CPNE8: variants seen among roughly 807,000 people sequenced by gnomAD.
CPNE8 encodes the protein copine 8.
Under a neutral mutation model 81.5 loss-of-function variants are expected in CPNE8, and 45 were observed. That is an observed-to-expected ratio of 0.55 (90% CI 0.44 to 0.71). The LOEUF (loss-of-function observed/expected upper bound fraction) is 0.71, where lower values mean the gene tolerates loss of function less well. Ranked by LOEUF, CPNE8 falls within the 30% of genes least tolerant of loss-of-function variation. The probability of loss-of-function intolerance (pLI) is 0.00; values close to 1 mark genes in which losing one functional copy is unlikely to be tolerated. For synonymous variants in CPNE8, 252 were observed against 226.3 expected (o/e 1.11, Z -1.02); for missense variants, 594 against 672.1 (o/e 0.88, Z 1.28).
intron 5 of CPNE8, among the ~76,000 whole-genome samples, chr12:38,835,577 T>C (rs914082234): frequency 1.3e-5 from 2 of 152,226 alleles, no homozygotes; most frequent in African/African-American, 4.8e-5. Flanking sequence ...CCTATATTTA[T>C]TGCCTGTCTG....
chr12:38,737,265 T>C (rs1334461160), intron 10 of CPNE8, among the ~76,000 whole-genome samples: 3 of 152,094 alleles, frequency 2.0e-5, no homozygotes, highest in African/African-American at 7.2e-5. Flanking sequence ...GTATCTTTTT[T>C]TTATGTCATT....
intron 6 of CPNE8, among the ~76,000 whole-genome samples, chr12:38,788,311 T>A (rs922901304): frequency 1.3e-5 from 2 of 151,836 alleles, no homozygotes; most frequent in Non-Finnish European, 2.9e-5. Flanking sequence ...GTTCGACATA[T>A]GCAAAACAAT....
At chr12:38,814,309 C>CTTTTTTT (rs61444154) in intron 6 of CPNE8, among the ~76,000 whole-genome samples, 1 of 49,170 alleles carries the variant, frequency 2.0e-5, no homozygotes, top group Admixed American at 3.9e-4. Context: ...CCAGACCTGG[C>CTTTTTTT]TTTTTTTTTT....
chr12:38,746,187 ATAT>A (rs1470019951), intron 10 of CPNE8, among the ~76,000 whole-genome samples: 1 of 152,130 alleles, frequency 6.6e-6, no homozygotes, highest in Non-Finnish European at 1.5e-5. Flanking sequence ...ATATTCTTCA[ATAT>A]TAAAAAAAAA....
In CPNE8 at chr12:38,839,902, A is replaced by G. The variant is rs1234891011; in HGVS notation, c.330+14T>C. 1 of 1,563,782 alleles carries G rather than the reference A, an allele frequency of 6.4e-7. No homozygotes were observed. Among genetic ancestry groups the G allele is most frequent in the Non-Finnish European group, 8.7e-7 (1 of 1,146,846 alleles). Reference sequence around the variant, plus strand: ...GTATTATAATGTTATAAAAACATAAAAATATGAACTTACATGTTTGGATAA... The same window carrying G: ...GTATTATAATGTTATAAAAACATAAGAATATGAACTTACATGTTTGGATAA... On this transcript the variant is annotated intron_variant, in intron 5 of 19. Transcript: ENST00000331366.
intron 13 of CPNE8, among the ~76,000 whole-genome samples, chr12:38,716,398 A>T (rs968896242): frequency 6.6e-6 from 1 of 152,112 alleles, no homozygotes; most frequent in African/African-American, 2.4e-5. Flanking sequence ...ACTTCAGATT[A>T]TACTACAAGG....
intron 10 of CPNE8, among the ~76,000 whole-genome samples, chr12:38,745,992 A>G (rs914384004): frequency 1.3e-5 from 2 of 152,172 alleles, no homozygotes; most frequent in African/African-American, 4.8e-5. Context: ...TGATATTTCA[A>G]TAAAAGCTCT....
chr12:38,767,788 A>G (rs775094425), intron 7 of CPNE8, 50 bp from the exon 8 acceptor site: 1 of 1,090,460 alleles, frequency 9.2e-7, no homozygotes, highest in African/African-American at 1.6e-5. Context: ...ATAAATAACT[A>G]GAAACTGCAG....
rs369134314 is a variant in CPNE8 at position 38,865,190 on chromosome 12, A to G, written c.186+7814T>C. Among the ~76,000 whole-genome samples, 3 of 152,218 alleles carry G rather than the reference A, an allele frequency of 2.0e-5. No homozygotes were observed. In the East Asian group the frequency reaches 5.8e-4, roughly 29 times the overall value. ...AAAAGCATTGGCAAAGATGTATGGC[A>G]ATACAAGTGGCAGATGGAAAGTTAT... On this transcript the variant is annotated intron_variant, in intron 3 of 19. Transcript: ENST00000331366.
intron 6 of CPNE8, among the ~76,000 whole-genome samples, chr12:38,782,122 C>A (rs1942066075): frequency 6.6e-6 from 1 of 152,040 alleles, no homozygotes; most frequent in South Asian, 2.1e-4. Flanking sequence ...CATGGTAACA[C>A]AAGATGTTAA....
At chr12:38,795,361 T>C (rs1486634671) in intron 6 of CPNE8, among the ~76,000 whole-genome samples, 5 of 152,206 alleles carry the variant, frequency 3.3e-5, no homozygotes, top group Non-Finnish European at 1.5e-5. Flanking sequence ...TGATCCGCAA[T>C]CCCACTTCCA....
chr12:38,666,462 T>C (rs573785337), intron 19 of CPNE8, among the ~76,000 whole-genome samples: 4 of 152,232 alleles, frequency 2.6e-5, no homozygotes, highest in African/African-American at 7.2e-5. Context: ...TAAAGTAATA[T>C]GGGGACAAAG....
At chr12:38,852,089 T>C (rs557281642) in intron 3 of CPNE8, among the ~76,000 whole-genome samples, 1 of 152,198 alleles carries the variant, frequency 6.6e-6, no homozygotes, top group Admixed American at 6.5e-5. Context: ...TCATAGCACC[T>C]GTCTTCCCCC....
At position 38,807,226 on chromosome 12, in the gene CPNE8, T is replaced by G. The variant is rs986840851; in HGVS notation, c.407+22153A>C. ...CATTCCCATCAAGCTACCAATGACT[T>G]TCTTCACAGAATTGGAAAAAACTAC... is the stretch of plus-strand genomic sequence containing the variant. On this transcript the variant is annotated intron_variant, in intron 6 of 19. Coordinates refer to ENST00000331366, the MANE Select transcript of CPNE8 (RefSeq NM_153634.3). Among the ~76,000 whole-genome samples the G allele has an allele frequency of 1.0e-3, 153 of 149,600 alleles. 1 individual carries two copies. The highest frequency in any genetic ancestry group is 4.0e-4 in the Non-Finnish European group (27 of 66,854).
chr12:38,903,580 A>G (rs901792466), intron 1 of CPNE8, among the ~76,000 whole-genome samples: 3 of 152,218 alleles, frequency 2.0e-5, no homozygotes, highest in African/African-American at 7.2e-5. Flanking sequence ...CTCATGGAAA[A>G]ATTCAGACTT....
intron 6 of CPNE8, among the ~76,000 whole-genome samples, chr12:38,784,851 C>T (rs1942141938): frequency 6.6e-6 from 1 of 152,074 alleles, no homozygotes. Context: ...ATTTCATCAA[C>T]ACAAGACCTC....
At chr12:38,767,121 A>ATT (rs1480348789) in intron 8 of CPNE8, among the ~76,000 whole-genome samples, 1 of 152,164 alleles carries the variant, frequency 6.6e-6, no homozygotes, top group Non-Finnish European at 1.5e-5. Context: ...AGCCATACAT[A>ATT]TTAAATTATG....
intron 6 of CPNE8, among the ~76,000 whole-genome samples, chr12:38,794,623 T>A (rs1250496608): frequency 6.7e-6 from 1 of 149,620 alleles, no homozygotes; most frequent in East Asian, 2.1e-4. Flanking sequence ...GCCATGAGGA[T>A]AACTACTATT....
At chr12:38,666,115 G>C (rs373583418) in intron 19 of CPNE8, among the ~76,000 whole-genome samples, 9 of 152,144 alleles carry the variant, frequency 5.9e-5, no homozygotes, top group African/African-American at 2.2e-4. Context: ...CTGAAACTTA[G>C]AAAGTTTAAT....
Sources: gnomAD v4.1 joint callset for allele counts (sites outside exome capture counted in the v4.1 genomes callset) on GRCh38, gnomAD v4.1.1 for gene constraint, MANE v1.5 for transcripts, NCBI Gene and HGNC (gene_info 2026-07-23, HGNC 2026-07-21) for gene names.